COL11A1: variants seen among roughly 807,000 people sequenced by gnomAD.
COL11A1 encodes collagen alpha-1(XI) chain.
In COL11A1, 74 loss-of-function variants were observed where a neutral mutation model predicts 265.2. The ratio of observed to expected loss-of-function variants is 0.28; its 90% CI spans 0.23 to 0.34. COL11A1 has a LOEUF of 0.34. Among genes scored for constraint, COL11A1 ranks in the 10% least tolerant of loss-of-function variants. The pLI, the probability that COL11A1 is intolerant of heterozygous loss-of-function variation, is 1.00. For synonymous variants in COL11A1, 816 were observed against 727.6 expected (o/e 1.12, Z -1.96); for missense variants, 2,165 against 2,263.6 (o/e 0.96, Z 0.88).
At chr1:102,880,561 T>C (rs1225614231) in intron 65 of COL11A1, among the ~76,000 whole-genome samples, 1 of 152,202 alleles carries the variant, frequency 6.6e-6, no homozygotes, top group African/African-American at 2.4e-5. Flanking sequence ...ATACTTATTC[T>C]GAAATTATAG....
At chr1:102,941,733 T>C (rs770657995) in intron 42 of COL11A1, among the ~76,000 whole-genome samples, 8 of 152,216 alleles carry the variant, frequency 5.3e-5, no homozygotes, top group Non-Finnish European at 1.2e-4. Flanking sequence ...AGCAGGTCTC[T>C]CTACTATAAT....
At chr1:102,979,351 A>G in intron 32 of COL11A1, 31 bp downstream of exon 32, 3 of 1,544,830 alleles carry the variant, frequency 1.9e-6, no homozygotes, top group East Asian at 2.2e-5. Flanking sequence ...ACACTTATAT[A>G]CATAGTTCAA....
At chr1:103,072,994 C>G (rs1178490624) in intron 4 of COL11A1, among the ~76,000 whole-genome samples, 1 of 151,732 alleles carries the variant, frequency 6.6e-6, no homozygotes, top group Non-Finnish European at 1.5e-5. Context: ...AAACTAACTA[C>G]ACTTAATAGT....
intron 1 of COL11A1, among the ~76,000 whole-genome samples, chr1:103,098,325 T>C (rs1030125240): frequency 2.0e-5 from 3 of 151,974 alleles, no homozygotes; most frequent in African/African-American, 7.2e-5. Flanking sequence ...CGACTTCCAG[T>C]GCCTAGTTAT....
At chr1:103,049,676 T>C (rs1669625054) in intron 4 of COL11A1, among the ~76,000 whole-genome samples, 1 of 152,218 alleles carries the variant, frequency 6.6e-6, no homozygotes, top group East Asian at 1.9e-4. Flanking sequence ...CATTAGTTGA[T>C]GCAGTTTCTT....
intron 4 of COL11A1, among the ~76,000 whole-genome samples, chr1:103,038,601 T>C (rs1668561189): frequency 6.6e-6 from 1 of 152,186 alleles, no homozygotes; most frequent in Admixed American, 6.5e-5. Context: ...GGAACCAATT[T>C]AAGAAAAGCC....
intron 46 of COL11A1, among the ~76,000 whole-genome samples, chr1:102,934,045 G>A (rs573117481): frequency 2.0e-5 from 3 of 152,128 alleles, no homozygotes; most frequent in African/African-American, 7.2e-5. Context: ...GAAATCACCT[G>A]TATTCTGCGT....
chr1:103,038,687 A>G (rs1037566137), intron 4 of COL11A1, among the ~76,000 whole-genome samples: 3 of 152,156 alleles, frequency 2.0e-5, no homozygotes, highest in African/African-American at 7.2e-5. Context: ...TAGATTGATC[A>G]ATGTTGTATT....
intron 23 of COL11A1, 80 bp from the exon 24 acceptor site, chr1:103,002,049 C>G: frequency 2.6e-6 from 3 of 1,154,774 alleles, no homozygotes; most frequent in Non-Finnish European, 3.9e-6. Flanking sequence ...TATTAGCTCA[C>G]TATAGTACAC....
chr1:103,019,042 T>C (rs1490415549), intron 9 of COL11A1, among the ~76,000 whole-genome samples, 183 bp from the exon 10 acceptor site: 2 of 152,172 alleles, frequency 1.3e-5, no homozygotes, highest in African/African-American at 4.8e-5. Flanking sequence ...ATAGAAGATA[T>C]AGACTGTGCC....
rs529955479 is a variant in COL11A1, at chr1:103,075,498, G to T, written c.489-718C>A. Among the ~76,000 whole-genome samples the T allele has an allele frequency of 6.2e-4, 95 of 152,228 alleles. 2 individuals are homozygous for T. The highest frequency in any genetic ancestry group is 5.2e-4 in the Admixed American group (8 of 15,276). ...TGGAATGAGACTCTCAATTCACTCT[G>T]CAGCTACTGCTCCAGCTAATTTAGA... is the stretch of plus-strand genomic sequence containing the variant. On this transcript the variant is annotated intron_variant, in intron 3 of 66. Coordinates refer to ENST00000370096, the MANE Select transcript of COL11A1 (RefSeq NM_001854.4).
intron 41 of COL11A1, among the ~76,000 whole-genome samples, chr1:102,959,449 C>T (rs943651197): frequency 1.3e-5 from 2 of 152,058 alleles, no homozygotes; most frequent in African/African-American, 2.4e-5. Context: ...AAGCCAAGTT[C>T]GAGGGTCACC....
chr1:103,056,973 T>A (rs1670300101), intron 4 of COL11A1, among the ~76,000 whole-genome samples: 1 of 152,160 alleles, frequency 6.6e-6, no homozygotes, highest in African/African-American at 2.4e-5. Flanking sequence ...TATAACTGCT[T>A]AGGGTGGTGG....
At chr1:102,914,256 T>C in intron 52 of COL11A1, 96 bp downstream of exon 52, 1 of 940,868 alleles carries the variant, frequency 1.1e-6, no homozygotes, top group Non-Finnish European at 1.7e-6. Flanking sequence ...TTTTGGGAGT[T>C]CACTTAGGTT....
rs748557200 is a variant in COL11A1 at position 102,889,536 on chromosome 1, A to T, written c.4383T>A (p.Ile1461=). 3.1e-6 allele frequency: 5 copies of T among 1,613,640 alleles called. No homozygotes were observed. The highest frequency in any genetic ancestry group is 1.3e-5 in the African/African-American group (1 of 74,878). The change falls in exon 59 of 67, where the codon ATT becomes ATA. Residue 1461 remains isoleucine (I), a synonymous_variant. Transcript: ENST00000370096. ...EKGHPGLIGL[I]GPPGEQGEKG... ...TTTCCCCTTGTTCTCCTGGAGGACC[A>T]ATCAGGCCAATTAAACCAGGATGTC...
intron 9 of COL11A1, among the ~76,000 whole-genome samples, chr1:103,019,985 T>C (rs13376080): frequency 0.13 from 18,608 of 139,448 alleles, 1,326 homozygotes; most frequent in African/African-American, 0.15. Flanking sequence ...ATCCAGTCTA[T>C]CCTTGTTGGA....
chr1:102,964,587 G>GGT (rs10627254), intron 38 of COL11A1, among the ~76,000 whole-genome samples: 2,276 of 148,952 alleles, frequency 0.015, 42 homozygotes, highest in African/African-American at 0.039. Flanking sequence ...TTTCTCTAGG[G>GGT]GTGTGTGTGT....
At chr1:102,899,065 A>G in intron 54 of COL11A1, 71 bp from the exon 55 acceptor site, 1 of 825,202 alleles carries the variant, frequency 1.2e-6, no homozygotes, top group Non-Finnish European at 1.8e-6. Flanking sequence ...CTTGTTTACA[A>G]ACACTAAACT....
intron 28 of COL11A1, among the ~76,000 whole-genome samples, chr1:102,991,595 T>C (rs1301215273): frequency 3.3e-5 from 5 of 152,130 alleles, no homozygotes; most frequent in African/African-American, 1.2e-4. Flanking sequence ...TTCTGCTAAA[T>C]GGCCGAACAC....
Sources: gnomAD v4.1 joint callset for allele counts (sites outside exome capture counted in the v4.1 genomes callset) on GRCh38, gnomAD v4.1.1 for gene constraint, MANE v1.5 for transcripts, NCBI Gene and HGNC (gene_info 2026-07-23, HGNC 2026-07-21) for gene names.